EFCAB9: variants seen among roughly 807,000 people sequenced by gnomAD.
The protein encoded by EFCAB9 is EF-hand calcium binding domain 9, also known as EF-hand calcium-binding domain-containing protein 9.
Under a neutral mutation model 15.6 loss-of-function variants are expected in EFCAB9, and 16 were observed. The ratio of observed to expected loss-of-function variants is 1.03; its 90% CI spans 0.69 to 1.56. The LOEUF (loss-of-function observed/expected upper bound fraction) is 1.56, where lower values mean the gene tolerates loss of function less well. EFCAB9 is among the 40% of genes most tolerant of loss of function. The pLI, the probability that EFCAB9 is intolerant of heterozygous loss-of-function variation, is 0.00. For missense variants in EFCAB9, 208 were observed against 235.4 expected (o/e 0.88, Z 0.76); for synonymous variants, 76 against 85.4 (o/e 0.89, Z 0.61).
intron 1 of EFCAB9, among the ~76,000 whole-genome samples, chr5:172,198,668 G>A (rs983864450): frequency 6.6e-6 from 1 of 152,192 alleles, no homozygotes; most frequent in Non-Finnish European, 1.5e-5. Flanking sequence ...CCAGGCTGGA[G>A]TGCAGCAGCA....
chr5:172,203,185 T>C, intron 3 of EFCAB9, 29 bp from the exon 4 acceptor site: 2 of 1,424,086 alleles, frequency 1.4e-6, no homozygotes, highest in East Asian at 2.6e-5. Flanking sequence ...CCTGAAATAA[T>C]TTTTCTTTCC....
At chr5:172,200,205 C>T (rs1351208230) in intron 2 of EFCAB9, among the ~76,000 whole-genome samples, 1 of 152,098 alleles carries the variant, frequency 6.6e-6, no homozygotes, top group African/African-American at 2.4e-5. Flanking sequence ...TAGGTGTGAG[C>T]CACCACACCC....
chr5:172,195,153 A>AAAAT (rs3028127), intron 1 of EFCAB9, among the ~76,000 whole-genome samples: 33,924 of 144,896 alleles, frequency 0.23, 4,343 homozygotes, highest in Admixed American at 0.28. Flanking sequence ...TGAATGACCA[A>AAAAT]AAATAAATAA....
At chr5:172,200,479 G>A (rs1771238056) in intron 2 of EFCAB9, 87 bp from the exon 3 acceptor site, 5 of 1,327,560 alleles carry the variant, frequency 3.8e-6, no homozygotes, top group Non-Finnish European at 5.0e-6. Context: ...TAGGGAAGGG[G>A]CTGGTGAAGA....
intron 3 of EFCAB9, among the ~76,000 whole-genome samples, chr5:172,201,133 T>G (rs568613137): frequency 5.5e-4 from 83 of 152,190 alleles, no homozygotes; most frequent in African/African-American, 1.9e-3. Flanking sequence ...GCCAGAATTT[T>G]GGGAGGCCGA....
intron 1 of EFCAB9, among the ~76,000 whole-genome samples, chr5:172,194,925 TG>T (rs1463720091): frequency 7.0e-6 from 1 of 143,642 alleles, no homozygotes; most frequent in African/African-American, 2.6e-5. Context: ...ATCTCATAGT[TG>T]GAAAAAAAAA....
chr5:172,198,132 AG>A, intron 1 of EFCAB9, among the ~76,000 whole-genome samples: 1 of 152,332 alleles, frequency 6.6e-6, no homozygotes, highest in South Asian at 2.1e-4. Flanking sequence ...CACTCGACCC[AG>A]GAAGTCCAGC....
rs1771245296 is a variant in EFCAB9, at chr5:172,200,836, A to AG, written c.462+96dup. ...CTACATATAGGAGAGATGGGAGAGG[A>AG]GGAGGGAGGGAAAAACCTACTCAAA... On this transcript the variant is annotated intron_variant, in intron 3 of 3. Transcript: ENST00000398186. The AG allele has an allele frequency of 3.1e-6, 4 of 1,281,250 alleles. No homozygotes were observed. In the Middle Eastern group the frequency reaches 9.4e-4, roughly 300 times the overall value. 79.4% of individuals were successfully genotyped at this position (1,281,250 alleles called of 1,614,324 possible). A position where few individuals can be genotyped will look rare whatever the true frequency, so the allele number is the denominator to read the frequency against.
chr5:172,197,253 A>T (rs1771179890), intron 1 of EFCAB9, among the ~76,000 whole-genome samples: 3 of 152,098 alleles, frequency 2.0e-5, no homozygotes, highest in Admixed American at 6.6e-5. Context: ...GATTACAGGC[A>T]TGCGCCACCA....
rs1483713884 is a variant in EFCAB9 at position 172,199,460 on chromosome 5, G to A, written c.214G>A (p.Asp72Asn). 1 of 1,537,306 alleles carries A rather than the reference G, an allele frequency of 6.5e-7. No homozygotes were observed. The highest frequency in any genetic ancestry group is 8.7e-7 in the Non-Finnish European group (1 of 1,146,924). ...GATCAACATTGTGTTTGACATGCTG[G>A]ACTGGAACGCTGTGGGCGAGATCGA... is the stretch of plus-strand genomic sequence containing the variant. ...AQINIVFDMLDWNAVGEIDFE... is the reference protein window; with the variant it reads ...AQINIVFDMLNWNAVGEIDFE... The change falls in exon 2 of 4, where the codon GAC (aspartate) becomes AAC (asparagine). Residue 72 changes from aspartate to asparagine, a missense_variant. By Grantham distance (23) the Asp-to-Asn change is conservative (BLOSUM62 1). Coordinates refer to ENST00000398186, the MANE Select transcript of EFCAB9 (RefSeq NM_001171183.2).
chr5:172,195,378 T>C (rs1771143594), intron 1 of EFCAB9, among the ~76,000 whole-genome samples: 1 of 152,150 alleles, frequency 6.6e-6, no homozygotes, highest in Admixed American at 6.6e-5. Context: ...TCCTCCGTCA[T>C]GATTTTAAGG....
chr5:172,195,179 AATAAAAATAAAT>A (rs1032238394), intron 1 of EFCAB9, among the ~76,000 whole-genome samples: 7 of 146,012 alleles, frequency 4.8e-5, no homozygotes, highest in Non-Finnish European at 9.0e-5. Context: ...TAAATAAATA[AATAAAAATAAAT>A]AAATAAATAA....
Position 172,203,301 on chromosome 5 carries a change from G to T in EFCAB9, c.550G>T (p.Gly184Ter), listed in dbSNP as rs376646444. 3.5e-5 allele frequency: 54 copies of T among 1,536,528 alleles called. No homozygotes were observed. The highest frequency in any genetic ancestry group is 4.3e-5 in the Non-Finnish European group (49 of 1,146,702). The change falls in exon 4 of 4, where the codon GGA (glycine) becomes TGA (stop). Residue 184 changes from glycine to a stop codon, truncating the protein, a stop_gained. Coordinates refer to ENST00000398186, the MANE Select transcript of EFCAB9 (RefSeq NM_001171183.2). LOFTEE classifies it low-confidence loss of function (END_TRUNC). ...KRQKTEEKEK[G>*]ERKRSLYSKC... Reference sequence around the variant, plus strand: ...GCAGAAAACAGAGGAGAAAGAAAAAGGAGAGAGAAAGAGAAGTCTCTACTC... The same window carrying T: ...GCAGAAAACAGAGGAGAAAGAAAAATGAGAGAGAAAGAGAAGTCTCTACTC...
intron 3 of EFCAB9, among the ~76,000 whole-genome samples, chr5:172,201,194 G>A (rs983427465): frequency 6.6e-6 from 1 of 152,004 alleles, no homozygotes; most frequent in East Asian, 1.9e-4. Context: ...TGACCAATAC[G>A]GAGAAACCCT....
At chr5:172,195,839 G>A (rs747347090) in intron 1 of EFCAB9, among the ~76,000 whole-genome samples, 1 of 151,976 alleles carries the variant, frequency 6.6e-6, no homozygotes, top group Non-Finnish European at 1.5e-5. Flanking sequence ...ACGGAGTCTC[G>A]CTCTGTCGCC....
intron 1 of EFCAB9, among the ~76,000 whole-genome samples, chr5:172,195,173 TAAATAAATAA>T (rs902335037): frequency 3.4e-5 from 5 of 145,924 alleles, no homozygotes; most frequent in Admixed American, 2.7e-4. Context: ...AATAAATAAA[TAAATAAATAA>T]AAATAAATAA....
intron 3 of EFCAB9, 21 bp from the exon 4 acceptor site, chr5:172,203,193 T>TTTA (rs201583078): frequency 1.4e-6 from 2 of 1,459,964 alleles, no homozygotes; most frequent in Non-Finnish European, 1.8e-6. Flanking sequence ...AATTTTTCTT[T>TTTA]CCCCCCCACC....
chr5:172,199,344 A>G (rs1355589124), intron 1 of EFCAB9, 39 bp from the exon 2 acceptor site: 11 of 1,531,684 alleles, frequency 7.2e-6, no homozygotes, highest in African/African-American at 2.7e-5. Context: ...TTGGAACTAT[A>G]TCCAAATAAC....
intron 1 of EFCAB9, 76 bp from the exon 2 acceptor site, chr5:172,199,307 T>G: frequency 4.1e-6 from 6 of 1,464,270 alleles, no homozygotes; most frequent in Non-Finnish European, 5.5e-6. Flanking sequence ...TCACTACCAT[T>G]TACATGGCTT....
Sources: gnomAD v4.1 joint callset for allele counts (sites outside exome capture counted in the v4.1 genomes callset) on GRCh38, gnomAD v4.1.1 for gene constraint, MANE v1.5 for transcripts, NCBI Gene and HGNC (gene_info 2026-07-23, HGNC 2026-07-21) for gene names.